Variants in AAMDC observed in about 807,000 individuals in gnomAD.
The protein encoded by AAMDC is adipogenesis associated Mth938 domain containing, also known as mth938 domain-containing protein.
AAMDC carries 16 observed loss-of-function variants against 15.5 expected under a neutral mutation model. That is an observed-to-expected ratio of 1.03 (90% CI 0.70 to 1.57). The LOEUF is 1.57. Ranked by LOEUF, AAMDC falls within the 40% of genes most tolerant of loss-of-function variation. The probability of loss-of-function intolerance (pLI) is 0.00; values close to 1 mark genes in which losing one functional copy is unlikely to be tolerated. For missense variants in AAMDC, 141 were observed against 144.9 expected, an observed-to-expected ratio of 0.97 and a Z score of 0.14; for synonymous variants, 51 against 51.6, an observed-to-expected ratio of 0.99 and a Z score of 0.05.
intron 1 of AAMDC, among the ~76,000 whole-genome samples, chr11:77,826,689 A>T (rs1009225002): frequency 2.6e-5 from 4 of 152,220 alleles, no homozygotes; most frequent in African/African-American, 9.6e-5. Flanking sequence ...ACCAGACCCT[A>T]TAACTGTATG....
At chr11:77,841,089 T>A (rs1949912438) in intron 1 of AAMDC, 2 of 668,094 alleles carry the variant, frequency 3.0e-6, no homozygotes, top group Non-Finnish European at 5.5e-6. Context: ...CATCATCCTA[T>A]AGTGGAAGTC....
chr11:77,882,284 T>C (rs1951824180), intron 5 of AAMDC, among the ~76,000 whole-genome samples: 2 of 152,110 alleles, frequency 1.3e-5, no homozygotes. Context: ...TGCAATGAAC[T>C]AGGATACCTT....
chr11:77,858,302 CTTTTTTTTTTTTT>C (rs71473358), intron 2 of AAMDC, among the ~76,000 whole-genome samples: 1 of 69,348 alleles, frequency 1.4e-5, no homozygotes, highest in Non-Finnish European at 2.5e-5. Flanking sequence ...TTAAGCAATT[CTTTTTTTTTTTTT>C]TTTTTTTTTT....
chr11:77,871,001 G>C (rs1177211657), intron 3 of AAMDC, among the ~76,000 whole-genome samples: 1 of 151,960 alleles, frequency 6.6e-6, no homozygotes, highest in Non-Finnish European at 1.5e-5. Context: ...TTACATCTAG[G>C]GCTTTATATA....
intron 5 of AAMDC, among the ~76,000 whole-genome samples, chr11:77,896,394 G>A (rs1210685746): frequency 2.0e-5 from 3 of 152,200 alleles, no homozygotes; most frequent in Non-Finnish European, 4.4e-5. Context: ...GCTCACGCCT[G>A]TAATTCCAAC....
chr11:77,842,440 CTTTAT>C (rs1277358238), intron 1 of AAMDC, 34 bp from the exon 2 acceptor site: 6 of 1,587,904 alleles, frequency 3.8e-6, no homozygotes, highest in East Asian at 2.2e-5. Flanking sequence ...TTCAGCCTTA[CTTTAT>C]AACTGATTTA....
At position 77,836,997 on chromosome 11, in the gene AAMDC, GTGTT is replaced by G. The variant is rs563948449; in HGVS notation, c.-18-5478_-18-5475del. Among the ~76,000 whole-genome samples the G allele has an allele frequency of 1.9e-4, 29 of 152,304 alleles. No homozygotes were observed. The East Asian group carries it at 5.2e-3, about 27-fold the overall frequency. On this transcript the variant is annotated intron_variant, in intron 1 of 3. Transcript: ENST00000393427. ...AGAAAAAGTTACCTTGTAATTATAT[GTGTT>G]TGTCTTCTCTACTGTAGTATTAGAT...
intron 1 of AAMDC, among the ~76,000 whole-genome samples, chr11:77,823,729 A>G (rs563749305): frequency 1.6e-4 from 25 of 152,138 alleles, no homozygotes; most frequent in African/African-American, 6.0e-4. Context: ...AACTGACCTT[A>G]AATAAAAGCC....
At chr11:77,869,219 T>C (rs1473469679) in intron 2 of AAMDC, 9 of 199,976 alleles carry the variant, frequency 4.5e-5, no homozygotes, top group Admixed American at 1.6e-4. Flanking sequence ...TGGAAGATGG[T>C]TGTTCCAGCC....
chr11:77,826,428 T>G (rs1402319643), intron 1 of AAMDC, among the ~76,000 whole-genome samples: 1 of 152,124 alleles, frequency 6.6e-6, no homozygotes, highest in African/African-American at 2.4e-5. Context: ...GTGTCTGTGT[T>G]TTAAATTTTT....
downstream of AAMDC, chr11:77,901,679 A>C: frequency 1.4e-6 from 1 of 701,966 alleles, no homozygotes; most frequent in Non-Finnish European, 2.4e-6. Flanking sequence ...TATGCTTTTA[A>C]GTGTTGAAAG....
downstream of AAMDC, among the ~76,000 whole-genome samples, chr11:77,905,071 G>C (rs982643258): frequency 6.6e-6 from 1 of 152,154 alleles, no homozygotes; most frequent in Admixed American, 6.5e-5. Context: ...AGAGATTAGT[G>C]TATAAATCTG....
intron 3 of AAMDC, among the ~76,000 whole-genome samples, chr11:77,870,271 C>T (rs1463892677): frequency 2.7e-5 from 4 of 149,016 alleles, no homozygotes; most frequent in South Asian, 2.1e-4. Flanking sequence ...TCTCCCGCCT[C>T]GGCCTCCCAA....
Position 77,839,827 on chromosome 11 carries a change from C to A in AAMDC, c.-18-2652C>A, listed in dbSNP as rs549368387. 4.0e-5 allele frequency among the ~76,000 whole-genome samples: 6 copies of A among 151,756 alleles called. No homozygotes were observed. In the South Asian group the frequency reaches 1.3e-3, roughly 32 times the overall value. ...CACACTGGGGCTTGCTGGTGGGGGTCAGGGGGAGGGAGAGCATCAGGATAA... is the reference window on the plus strand; with the variant it reads ...CACACTGGGGCTTGCTGGTGGGGGTAAGGGGGAGGGAGAGCATCAGGATAA... On this transcript the variant is annotated intron_variant, in intron 1 of 3. Coordinates refer to ENST00000393427, the MANE Select transcript of AAMDC (RefSeq NM_024684.4).
Position 77,895,309 on chromosome 11 carries a change from C to T in AAMDC, c.329-5262C>T, listed in dbSNP as rs140046754. On this transcript the variant is annotated intron_variant, in intron 5 of 5. Transcript: ENST00000304716. ...AGTTCCCACCAAGATAAAACAAATA[C>T]TCTTTCCTTATGTAAAAATATTTAA... Among the ~76,000 whole-genome samples the T allele has an allele frequency of 4.6e-3, 700 of 151,860 alleles. 3 individuals are homozygous for T. The highest frequency in any genetic ancestry group is 0.016 in the African/African-American group (677 of 41,428).
chr11:77,844,997 T>G (rs554227973), intron 2 of AAMDC, among the ~76,000 whole-genome samples: 31 of 152,328 alleles, frequency 2.0e-4, no homozygotes, highest in African/African-American at 7.2e-4. Flanking sequence ...TAGATCTCCC[T>G]TGGACTTGTT....
Position 77,872,270 on chromosome 11 carries a change from T to G in AAMDC, c.324T>G (p.Val108=), listed in dbSNP as rs1250819268. ...CAGTGAAGGAGTATAATGCCTTGGTTGCCCAAGGGGTCAGGGTGGGAGGTG... is the reference window on the plus strand; with the variant it reads ...CAGTGAAGGAGTATAATGCCTTGGTGGCCCAAGGGGTCAGGGTGGGAGGTG... ...EQAVKEYNAL[V]AQGVRVGGVF... The change falls in exon 4 of 4, where the codon GTT becomes GTG. Residue 108 remains valine, a synonymous_variant. Transcript: ENST00000393427. The G allele has an allele frequency of 6.2e-7, 1 of 1,613,632 alleles. No homozygotes were observed. Among genetic ancestry groups the G allele is most frequent in the Non-Finnish European group, 8.5e-7 (1 of 1,179,776 alleles).
At chr11:77,833,776 C>T (rs1303131540) in intron 1 of AAMDC, among the ~76,000 whole-genome samples, 1 of 152,206 alleles carries the variant, frequency 6.6e-6, no homozygotes, top group Non-Finnish European at 1.5e-5. Context: ...TTTTGTATTA[C>T]AGTTAATCGT....
chr11:77,841,511 C>T (rs1949929493), intron 1 of AAMDC, among the ~76,000 whole-genome samples: 1 of 152,214 alleles, frequency 6.6e-6, no homozygotes, highest in African/African-American at 2.4e-5. Flanking sequence ...ACTGATGGAA[C>T]ACTGTGTGTA....
Sources: allele counts gnomAD v4.1 joint callset (sites outside exome capture counted in the v4.1 genomes callset), GRCh38; gene constraint gnomAD v4.1.1; transcripts MANE v1.5; gene names NCBI Gene and HGNC (gene_info 2026-07-23, HGNC 2026-07-21).